The following TDRD10 variants were observed in gnomAD, a reference collection of about 807,000 sequenced individuals.
TDRD10 encodes tudor domain containing 10, also known as tudor domain-containing protein 10.
A neutral mutation model predicts 48.0 loss-of-function variants in TDRD10; 40 were observed. That is an observed-to-expected ratio of 0.83 (90% confidence interval 0.65 to 1.09). The LOEUF (loss-of-function observed/expected upper bound fraction) is 1.09. Among genes scored for constraint, TDRD10 ranks in the 50% least tolerant of loss-of-function variants. The pLI is 0.00. For missense variants in TDRD10, 378 were observed against 434.7 expected, an observed-to-expected ratio of 0.87 and a Z score of 1.16; for synonymous variants, 162 against 170.4, an observed-to-expected ratio of 0.95 and a Z score of 0.38.
intron 6 of TDRD10, among the ~76,000 whole-genome samples, chr1:154,538,141 A>G (rs1695021888): frequency 1.3e-5 from 2 of 152,226 alleles, no homozygotes; most frequent in African/African-American, 4.8e-5. Flanking sequence ...TATCACTTAA[A>G]TCATTAGGGA....
chr1:154,520,491 T>C (rs1694000369), intron 5 of TDRD10, 117 bp downstream of exon 5: 3 of 752,916 alleles, frequency 4.0e-6, no homozygotes, highest in Non-Finnish European at 6.9e-6. Context: ...ACACCCACTC[T>C]GACTTGGCAA....
At chr1:154,530,100 C>T (rs769527859) in intron 6 of TDRD10, among the ~76,000 whole-genome samples, 4 of 152,070 alleles carry the variant, frequency 2.6e-5, no homozygotes, top group Admixed American at 6.6e-5. Context: ...CTGCAACCTC[C>T]GCCTCCCGGG....
chr1:154,547,226 G>A (rs1000205450), intron 11 of TDRD10, among the ~76,000 whole-genome samples, 183 bp from the exon 12 acceptor site: 1 of 152,070 alleles, frequency 6.6e-6, no homozygotes, highest in African/African-American at 2.4e-5. Context: ...TACCTTTTCA[G>A]CATTTATCAT....
At chr1:154,503,316 G>C (rs916795387) in intron 1 of TDRD10, among the ~76,000 whole-genome samples, 2 of 152,126 alleles carry the variant, frequency 1.3e-5, no homozygotes, top group African/African-American at 2.4e-5. Flanking sequence ...GGCCGGGCGC[G>C]GTGGCTCACG....
At chr1:154,527,483 C>T (rs770404001) in intron 6 of TDRD10, among the ~76,000 whole-genome samples, 19 of 152,114 alleles carry the variant, frequency 1.2e-4, no homozygotes, top group Non-Finnish European at 2.4e-4. Flanking sequence ...CACAAAAATA[C>T]TAGGTGGATT....
At chr1:154,529,134 C>G (rs1476123900) in intron 6 of TDRD10, among the ~76,000 whole-genome samples, 4 of 152,116 alleles carry the variant, frequency 2.6e-5, no homozygotes, top group Admixed American at 1.3e-4. Flanking sequence ...GGCTGGAGTG[C>G]AGTGGCACAA....
At chr1:154,526,844 C>T (rs1372852977) in intron 6 of TDRD10, among the ~76,000 whole-genome samples, 1 of 152,148 alleles carries the variant, frequency 6.6e-6, no homozygotes, top group Non-Finnish European at 1.5e-5. Flanking sequence ...CCACCTCGGC[C>T]TCCCAAAGTG....
intron 11 of TDRD10, among the ~76,000 whole-genome samples, chr1:154,545,380 C>T (rs1377582378): frequency 1.3e-5 from 2 of 152,192 alleles, no homozygotes; most frequent in Non-Finnish European, 2.9e-5. Context: ...ACTGCACTCT[C>T]CTAATGTGAT....
chr1:154,520,226 G>A (rs10908842), intron 4 of TDRD10, 78 bp from the exon 5 acceptor site: 596,619 of 991,758 alleles, frequency 0.6, 187,040 homozygotes, highest in East Asian at 0.76. Context: ...CAGACTAGCT[G>A]GCTGGGGATC....
chr1:154,514,190 A>G (rs990554656), intron 4 of TDRD10, among the ~76,000 whole-genome samples: 14 of 152,330 alleles, frequency 9.2e-5, no homozygotes, highest in African/African-American at 3.4e-4. Context: ...ACTCTGTCTC[A>G]AAAATAAAAT....
At chr1:154,540,106 A>G (rs1157500042) in intron 6 of TDRD10, among the ~76,000 whole-genome samples, 1 of 152,200 alleles carries the variant, frequency 6.6e-6, no homozygotes, top group East Asian at 1.9e-4. Context: ...GGAAGATTTT[A>G]ACCAGTGATG....
At chr1:154,519,407 GAA>G (rs1693936630) in intron 4 of TDRD10, among the ~76,000 whole-genome samples, 6 of 152,166 alleles carry the variant, frequency 3.9e-5, no homozygotes, top group Non-Finnish European at 8.8e-5. Flanking sequence ...GTTTTCCAGA[GAA>G]AAATTGGTTT....
At chr1:154,546,932 T>C (rs962647915) in intron 11 of TDRD10, among the ~76,000 whole-genome samples, 16 of 152,072 alleles carry the variant, frequency 1.1e-4, no homozygotes, top group Non-Finnish European at 1.9e-4. Flanking sequence ...GTTTGGGGAC[T>C]CTGGTGGGAT....
chr1:154,535,228 G>A (rs1168570082), intron 6 of TDRD10, among the ~76,000 whole-genome samples: 4 of 152,064 alleles, frequency 2.6e-5, no homozygotes, highest in Non-Finnish European at 5.9e-5. Context: ...TTAGCCAAGC[G>A]TGGTGGTGCA....
At position 154,542,031 on chromosome 1, in the gene TDRD10, AGAAGGCTTCTGGT is replaced by A; in HGVS notation, c.383_395del (p.Ala128AspfsTer25). On this transcript the variant is annotated frameshift_variant, in exon 7 of 13. Coordinates refer to ENST00000368482, the MANE Select transcript of TDRD10 (RefSeq NM_182499.4). LOFTEE classifies it high-confidence loss of function. ...TTTCATTTTTCTTCCCAGGTGTTGG[AGAAGGCTTCTGGT>A]GAAGGATTTGGCAAAACCGCCGGTG... 1 of 1,613,804 alleles carries A rather than the reference AGAAGGCTTCTGGT, an allele frequency of 6.2e-7. No individual in the cohort carries two copies. Among genetic ancestry groups the A allele is most frequent in the East Asian group, 2.2e-5 (1 of 44,866 alleles).
At chr1:154,521,606 G>C (rs4269769) in intron 6 of TDRD10, 127 bp downstream of exon 6, 917,496 of 1,107,002 alleles carry the variant, frequency 0.83, 382,171 homozygotes, top group East Asian at 0.92. Flanking sequence ...GCAGGGTCTC[G>C]GGTGAAGTCA....
chr1:154,541,809 C>T, intron 6 of TDRD10: 2 of 520,308 alleles, frequency 3.8e-6, no homozygotes, highest in Non-Finnish European at 6.8e-6. Flanking sequence ...CTGCTCCCTG[C>T]CTTCCCTGCT....
intron 8 of TDRD10, among the ~76,000 whole-genome samples, chr1:154,543,695 T>G (rs1396212995): frequency 6.6e-6 from 1 of 152,168 alleles, no homozygotes; most frequent in Non-Finnish European, 1.5e-5. Flanking sequence ...TTTCTCAGTG[T>G]GTTTTTGTTT....
intron 6 of TDRD10, among the ~76,000 whole-genome samples, chr1:154,525,032 C>T (rs1317569780): frequency 2.0e-5 from 3 of 152,212 alleles, no homozygotes; most frequent in Admixed American, 6.5e-5. Flanking sequence ...CTCTGTTTCC[C>T]TTTGCTGTGG....
Sources: allele counts gnomAD v4.1 joint callset (sites outside exome capture counted in the v4.1 genomes callset), GRCh38; gene constraint gnomAD v4.1.1; transcripts MANE v1.5; gene names NCBI Gene and HGNC (gene_info 2026-07-23, HGNC 2026-07-21).